COLEC10: variants seen among roughly 807,000 people sequenced by gnomAD.
COLEC10 encodes collectin-10.
A neutral mutation model predicts 28.4 loss-of-function variants in COLEC10; 22 were observed. That is an observed-to-expected ratio of 0.78 (90% CI 0.55 to 1.11). The LOEUF is 1.11. COLEC10 is among the 50% of genes least tolerant of loss of function. The pLI, the probability that COLEC10 is intolerant of heterozygous loss-of-function variation, is 0.00. For synonymous variants in COLEC10, 125 were observed against 116.1 expected (o/e 1.08, Z -0.49); for missense variants, 361 against 344.1 (o/e 1.05, Z -0.39).
chr8:119,058,647 A>G (rs188052419), intron 2 of COLEC10, among the ~76,000 whole-genome samples: 5 of 152,196 alleles, frequency 3.3e-5, no homozygotes, highest in African/African-American at 1.2e-4. Flanking sequence ...TAGATACACA[A>G]CATTCTGTTT....
intron 1 of COLEC10, among the ~76,000 whole-genome samples, chr8:119,071,784 A>C (rs965151680): frequency 6.6e-6 from 1 of 152,208 alleles, no homozygotes; most frequent in Non-Finnish European, 1.5e-5. Context: ...TGCTCAATAC[A>C]TATTTTTGAT....
intron 1 of COLEC10, among the ~76,000 whole-genome samples, chr8:119,073,955 T>A (rs1815174150): frequency 2.0e-5 from 1 of 49,940 alleles, no homozygotes; most frequent in Non-Finnish European, 3.4e-5. Context: ...TATACACATA[T>A]ATACACATAT....
chr8:119,083,657 A>G (rs1815411139), intron 1 of COLEC10, among the ~76,000 whole-genome samples: 1 of 152,208 alleles, frequency 6.6e-6, no homozygotes, highest in South Asian at 2.1e-4. Context: ...AAGGGTCATC[A>G]TCCCCATTTT....
chr8:119,062,625 A>G (rs910498383), upstream of COLEC10, among the ~76,000 whole-genome samples: 1 of 151,926 alleles, frequency 6.6e-6, no homozygotes, highest in Non-Finnish European at 1.5e-5. Flanking sequence ...TACTACAAGC[A>G]TGTGTCACTA....
At chr8:119,099,360 C>T (rs1232898901) in intron 3 of COLEC10, among the ~76,000 whole-genome samples, 1 of 152,050 alleles carries the variant, frequency 6.6e-6, no homozygotes, top group Non-Finnish European at 1.5e-5. Context: ...ATTGGTTGAG[C>T]ATTCTATGTG....
chr8:118,975,552 G>A, the COLEC10 span, among the ~76,000 whole-genome samples: 31 of 152,054 alleles, frequency 2.0e-4, no homozygotes, highest in Admixed American at 9.2e-4. Flanking sequence ...CACTCTTTTA[G>A]GCCAATAGGG....
chr8:119,103,733 G>A (rs1815884458), intron 4 of COLEC10, 67 bp from the exon 5 acceptor site: 1 of 912,166 alleles, frequency 1.1e-6, no homozygotes, highest in East Asian at 2.4e-5. Flanking sequence ...TGGAAAGAGA[G>A]CAAATGTTCC....
chr8:118,960,529 A>G, the COLEC10 span, among the ~76,000 whole-genome samples: 3,130 of 152,252 alleles, frequency 0.021, 104 homozygotes, highest in African/African-American at 0.07. Context: ...ATTGTGCTGT[A>G]ATCCCAGCAC....
At position 119,086,136 on chromosome 8, in the gene COLEC10, A is replaced by G. The variant is rs1443538589; in HGVS notation, c.149-3544A>G. Among the ~76,000 whole-genome samples the G allele has an allele frequency of 2.0e-5, 3 of 152,340 alleles. No individual in the cohort carries two copies. The East Asian group carries it at 5.8e-4, about 29-fold the overall frequency. On this transcript the variant is annotated intron_variant, in intron 1 of 5. Coordinates refer to ENST00000332843, the MANE Select transcript of COLEC10 (RefSeq NM_006438.5). Reference sequence around the variant, plus strand: ...TTAAAAGACATTTTGCTAATTGGGCAGGGGGAAAAGTCCTATCTAAGAAAA... The same window carrying G: ...TTAAAAGACATTTTGCTAATTGGGCGGGGGGAAAAGTCCTATCTAAGAAAA...
At chr8:118,966,592 G>A in the COLEC10 span, among the ~76,000 whole-genome samples, 1 of 151,876 alleles carries the variant, frequency 6.6e-6, no homozygotes, top group Admixed American at 6.6e-5. Context: ...AACTATGAGA[G>A]CTTGCCTAAA....
intron 2 of COLEC10, among the ~76,000 whole-genome samples, chr8:119,048,006 G>A (rs1756780286): frequency 6.6e-6 from 1 of 152,076 alleles, no homozygotes; most frequent in South Asian, 2.1e-4. Context: ...GAAAAGTTGG[G>A]GGTTTTTTAA....
chr8:119,031,393 G>T (rs12681632), intron 2 of COLEC10, among the ~76,000 whole-genome samples: 6,681 of 152,242 alleles, frequency 0.044, 214 homozygotes, highest in East Asian at 0.16. Context: ...GATCATAGAA[G>T]TATGTAGAAT....
chr8:119,052,664 C>T (rs533444615), intron 2 of COLEC10, among the ~76,000 whole-genome samples: 4 of 152,172 alleles, frequency 2.6e-5, no homozygotes, highest in African/African-American at 7.2e-5. Flanking sequence ...CAAGCAAGCC[C>T]GCCCTCTCCC....
At chr8:119,018,493 G>A (rs887240635) in intron 2 of COLEC10, among the ~76,000 whole-genome samples, 1 of 152,108 alleles carries the variant, frequency 6.6e-6, no homozygotes, top group African/African-American at 2.4e-5. Flanking sequence ...CTATTTACAG[G>A]GCTGTTAAAA....
At chr8:119,086,665 A>G (rs1025672271) in intron 1 of COLEC10, among the ~76,000 whole-genome samples, 47 of 152,286 alleles carry the variant, frequency 3.1e-4, no homozygotes, top group South Asian at 2.1e-3. Flanking sequence ...CTCTGGTTAG[A>G]CATTTGCTTG....
the COLEC10 span, among the ~76,000 whole-genome samples, chr8:118,985,798 T>C: frequency 6.6e-6 from 1 of 151,974 alleles, no homozygotes; most frequent in African/African-American, 2.4e-5. Context: ...ACATTCCAGG[T>C]GGAAGAGGAC....
the COLEC10 span, among the ~76,000 whole-genome samples, chr8:118,964,256 A>G: frequency 2.0e-3 from 297 of 152,306 alleles, 1 homozygote; most frequent in Non-Finnish European, 3.2e-3. Flanking sequence ...TGACACTTGT[A>G]TCTGCATGCA....
chr8:119,069,658 A>ATATATG (rs1205061377), intron 1 of COLEC10, among the ~76,000 whole-genome samples: 2 of 122,774 alleles, frequency 1.6e-5, no homozygotes, highest in Non-Finnish European at 3.5e-5. Flanking sequence ...ATATATATAT[A>ATATATG]TATGTAAACT....
chr8:119,084,904 T>TG (rs1815441249), intron 1 of COLEC10, among the ~76,000 whole-genome samples: 1 of 152,168 alleles, frequency 6.6e-6, no homozygotes, highest in African/African-American at 2.4e-5. Flanking sequence ...AAGTAATGAT[T>TG]ATATAATAGA....
Sources: allele counts gnomAD v4.1 joint callset (sites outside exome capture counted in the v4.1 genomes callset), GRCh38; gene constraint gnomAD v4.1.1; transcripts MANE v1.5; gene names NCBI Gene and HGNC (gene_info 2026-07-23, HGNC 2026-07-21).